TMTC1: variants seen among roughly 807,000 people sequenced by gnomAD.
The protein encoded by TMTC1 is protein O-mannosyl-transferase TMTC1.
TMTC1 carries 73 observed loss-of-function variants against 104.8 expected under a neutral mutation model. That is an observed-to-expected ratio of 0.70 (90% confidence interval 0.58 to 0.85). TMTC1 has a LOEUF of 0.85. Ranked by LOEUF, TMTC1 falls within the 40% of genes least tolerant of loss-of-function variation. The pLI is 0.00. For synonymous variants in TMTC1, 434 were observed against 428.7 expected (o/e 1.01, Z -0.15); for missense variants, 1,035 against 1,096.1 (o/e 0.94, Z 0.79).
At chr12:29,632,987 A>G (rs1938373071) in intron 6 of TMTC1, among the ~76,000 whole-genome samples, 160 bp downstream of exon 6, 1 of 152,170 alleles carries the variant, frequency 6.6e-6, no homozygotes, top group African/African-American at 2.4e-5. Context: ...CAAAAAATCT[A>G]TAAGGTGGCC....
At chr12:29,769,118 G>C (rs7967779) in intron 1 of TMTC1, among the ~76,000 whole-genome samples, 60,070 of 151,956 alleles carry the variant, frequency 0.4, 12,422 homozygotes, top group Admixed American at 0.55. Flanking sequence ...AACTAAGAAT[G>C]AAAAAGTCAG....
At chr12:29,710,835 A>C (rs1941889831) in intron 5 of TMTC1, among the ~76,000 whole-genome samples, 2 of 136,656 alleles carry the variant, frequency 1.5e-5, no homozygotes, top group South Asian at 2.1e-4. Flanking sequence ...ATATAATATA[A>C]ATATATTAAT....
At chr12:29,640,052 C>T (rs1227999976) in intron 5 of TMTC1, among the ~76,000 whole-genome samples, 2 of 152,142 alleles carry the variant, frequency 1.3e-5, no homozygotes, top group African/African-American at 2.4e-5. Context: ...ATTCCGGGGC[C>T]GAGACCCATC....
chr12:29,508,727 C>T (rs2136127006), intron 17 of TMTC1, among the ~76,000 whole-genome samples: 1 of 152,190 alleles, frequency 6.6e-6, no homozygotes, highest in South Asian at 2.1e-4. Flanking sequence ...GCGTGCACCA[C>T]AACATGCCCG....
chr12:29,778,532 T>A (rs1398693189), intron 1 of TMTC1, among the ~76,000 whole-genome samples: 1 of 152,102 alleles, frequency 6.6e-6, no homozygotes. Flanking sequence ...AAACAGGTCA[T>A]GGCCAGGGAA....
intron 10 of TMTC1, 25 bp from the exon 11 acceptor site, chr12:29,536,342 G>C: frequency 2.1e-6 from 3 of 1,396,994 alleles, no homozygotes; most frequent in Non-Finnish European, 3.0e-6. Context: ...GAAGGGGTGG[G>C]GGAGAACATC....
intron 6 of TMTC1, among the ~76,000 whole-genome samples, chr12:29,625,273 A>G (rs576437152): frequency 2.0e-5 from 3 of 152,318 alleles, no homozygotes; most frequent in African/African-American, 7.2e-5. Context: ...CCTTACCATC[A>G]TGTCCTTAGA....
intron 5 of TMTC1, among the ~76,000 whole-genome samples, chr12:29,675,192 T>A (rs1468905382): frequency 6.6e-6 from 1 of 152,124 alleles, no homozygotes; most frequent in African/African-American, 2.4e-5. Context: ...ACCATACAAG[T>A]CTTAACACCA....
chr12:29,679,547 T>C (rs1202704303), intron 5 of TMTC1, among the ~76,000 whole-genome samples: 1 of 152,134 alleles, frequency 6.6e-6, no homozygotes, highest in East Asian at 1.9e-4. Context: ...GCTATTCTAA[T>C]AGCATTCCTC....
At chr12:29,706,088 C>A (rs1171856622) in intron 5 of TMTC1, among the ~76,000 whole-genome samples, 1 of 152,148 alleles carries the variant, frequency 6.6e-6, no homozygotes, top group Non-Finnish European at 1.5e-5. Context: ...AATCAATCTA[C>A]TAGGGGTTGG....
At chr12:29,593,245 A>C (rs1946327103) in intron 7 of TMTC1, among the ~76,000 whole-genome samples, 1 of 152,182 alleles carries the variant, frequency 6.6e-6, no homozygotes, top group Admixed American at 6.5e-5. Context: ...CACATCAAAG[A>C]ATTGTTGTGT....
chr12:29,728,824 G>C (rs968382682), intron 5 of TMTC1, among the ~76,000 whole-genome samples: 1 of 147,248 alleles, frequency 6.8e-6, no homozygotes, highest in African/African-American at 2.6e-5. Flanking sequence ...TAATGAAACC[G>C]CCGTCCTACA....
chr12:29,619,126 C>T (rs12816393), intron 6 of TMTC1, among the ~76,000 whole-genome samples: 17,450 of 152,104 alleles, frequency 0.11, 1,093 homozygotes, highest in Middle Eastern at 0.2. Context: ...ACTTCTTTTT[C>T]CATTATACCA....
intron 5 of TMTC1, among the ~76,000 whole-genome samples, chr12:29,677,726 T>C (rs1413784316): frequency 1.3e-5 from 2 of 152,258 alleles, no homozygotes; most frequent in African/African-American, 4.8e-5. Context: ...ATATCCACTC[T>C]GTTCACCCAT....
At chr12:29,522,646 G>A (rs562531981) in intron 11 of TMTC1, among the ~76,000 whole-genome samples, 3 of 152,026 alleles carry the variant, frequency 2.0e-5, no homozygotes, top group Non-Finnish European at 4.4e-5. Flanking sequence ...CATCTAGAGA[G>A]TACCATAGGG....
At chr12:29,720,637 T>C (rs959398102) in intron 5 of TMTC1, among the ~76,000 whole-genome samples, 3 of 59,948 alleles carry the variant, frequency 5.0e-5, no homozygotes, top group Non-Finnish European at 7.6e-5. Context: ...GACAAAAAGA[T>C]AGAAATATGA....
At chr12:29,689,209 C>T (rs948131203) in intron 5 of TMTC1, among the ~76,000 whole-genome samples, 3 of 152,108 alleles carry the variant, frequency 2.0e-5, no homozygotes, top group African/African-American at 7.2e-5. Context: ...GTGTGTACCA[C>T]CCGAATTCAT....
At chr12:29,684,835 A>T (rs1002285812) in intron 5 of TMTC1, among the ~76,000 whole-genome samples, 2 of 152,170 alleles carry the variant, frequency 1.3e-5, no homozygotes, top group Non-Finnish European at 2.9e-5. Flanking sequence ...ATTTTCTAAC[A>T]CTGTTAACTG....
At chr12:29,550,645 G>A (rs1416472554) in intron 10 of TMTC1, among the ~76,000 whole-genome samples, 5 of 152,134 alleles carry the variant, frequency 3.3e-5, no homozygotes, top group Non-Finnish European at 7.4e-5. Flanking sequence ...CCAGTGGCCA[G>A]GCCATGTTGG....
Sources: allele counts gnomAD v4.1 joint callset (sites outside exome capture counted in the v4.1 genomes callset), GRCh38; gene constraint gnomAD v4.1.1; transcripts MANE v1.5; gene names NCBI Gene and HGNC (gene_info 2026-07-23, HGNC 2026-07-21).